The following SSH1 variants were observed in gnomAD, a reference collection of about 807,000 sequenced individuals.
SSH1 encodes protein phosphatase Slingshot homolog 1.
Under a neutral mutation model 79.7 loss-of-function variants are expected in SSH1, and 43 were observed. The observed-to-expected ratio is 0.54, with a 90% confidence interval of 0.42 to 0.70. The LOEUF (loss-of-function observed/expected upper bound fraction) is 0.70, where lower values mean the gene tolerates loss of function less well. SSH1 is among the 30% of genes least tolerant of loss of function. The probability of loss-of-function intolerance (pLI) is 0.00; values close to 1 mark genes in which losing one functional copy is unlikely to be tolerated. For missense variants in SSH1, 1,206 were observed against 1,358.8 expected (o/e 0.89, Z 1.77); for synonymous variants, 599 against 538.3 (o/e 1.11, Z -1.56).
At position 108,799,029 on chromosome 12, in the gene SSH1, C is replaced by G. The variant is rs377181291; in HGVS notation, c.1320G>C (p.Leu440=). The part of the protein sequence containing the change: ...TRPNAGFMRQ[L]SEYEGILDAS... ...CATCCAAGATGCCTTCATACTCAGA[C>G]AGCTGCCTCATAAAGCCCGCGTTGG... The change falls in exon 13 of 15, where the codon CTG becomes CTC. Residue 440 remains leucine (L), a synonymous_variant. Transcript: ENST00000326495. 6.2e-7 allele frequency: 1 copy of G among 1,613,858 alleles called. No homozygotes were observed. The highest frequency in any genetic ancestry group is 8.5e-7 in the Non-Finnish European group (1 of 1,180,050).
intron 13 of SSH1, among the ~76,000 whole-genome samples, 187 bp downstream of exon 13, chr12:108,798,813 C>T (rs2036859847): frequency 1.3e-5 from 2 of 152,272 alleles, no homozygotes; most frequent in African/African-American, 4.8e-5. Context: ...CTGGAAACCA[C>T]TCATCAAAGC....
intron 7 of SSH1, among the ~76,000 whole-genome samples, chr12:108,808,067 A>G (rs1456711843): frequency 6.6e-6 from 1 of 152,186 alleles, no homozygotes; most frequent in Non-Finnish European, 1.5e-5. Flanking sequence ...CCTCCCGAGC[A>G]GCTGGGACCA....
Position 108,792,751 on chromosome 12 carries a change from A to C in SSH1, c.1428T>G (p.Pro476=). The C allele has an allele frequency of 6.2e-7, 1 of 1,613,950 alleles. No homozygotes were observed. The highest frequency in any genetic ancestry group is 8.5e-7 in the Non-Finnish European group (1 of 1,180,036). ...CTGGGGTCTCTGGCAAGAAGTCGCCAGGTCCTGCAGGGTCATCCACAGGCT... is the reference window on the plus strand; with the variant it reads ...CTGGGGTCTCTGGCAAGAAGTCGCCCGGTCCTGCAGGGTCATCCACAGGCT... ...LQQPVDDPAG[P]GDFLPETPDG... is the part of the protein sequence containing the mutation. The change falls in exon 14 of 15, where the codon CCT becomes CCG. Residue 476 remains proline (P), a synonymous_variant. Coordinates refer to ENST00000326495, the MANE Select transcript of SSH1 (RefSeq NM_018984.4).
rs1034894044 is a variant in SSH1 at position 108,829,271 on chromosome 12, G to C, written c.111-5910C>G. Among the ~76,000 whole-genome samples the C allele has an allele frequency of 7.9e-5, 12 of 152,180 alleles. No homozygotes were observed. In the East Asian group the frequency reaches 1.7e-3, roughly 22 times the overall value. On this transcript the variant is annotated intron_variant, in intron 2 of 14. Transcript: ENST00000326495. ...GAACCCAGGAGGCGGAGGTTGCAGTGAGCCAAGATCGCACCACTGTACTCC... is the reference window on the plus strand; with the variant it reads ...GAACCCAGGAGGCGGAGGTTGCAGTCAGCCAAGATCGCACCACTGTACTCC...
rs1343428167 is a variant in SSH1 at position 108,782,603 on chromosome 12, C to T, written c.*5385G>A. Reference sequence around the variant, plus strand: ...GTAATAGATGCTCAATAAAGACTGGCCATGTCAATGACGATGATGATGACG... The same window carrying T: ...GTAATAGATGCTCAATAAAGACTGGTCATGTCAATGACGATGATGATGACG... On this transcript the variant is annotated 3_prime_UTR_variant, in exon 15 of 15. Coordinates refer to ENST00000326495, the MANE Select transcript of SSH1 (RefSeq NM_018984.4). 6.6e-6 allele frequency: 1 copy of T among 152,122 alleles called. No individual in the cohort carries two copies. Among genetic ancestry groups the T allele is most frequent in the Non-Finnish European group, 1.5e-5 (1 of 68,030 alleles). 9.4% of individuals were successfully genotyped at this position (152,122 alleles called of 1,614,324 possible).
chr12:108,855,938 C>T (rs973394246), intron 1 of SSH1, among the ~76,000 whole-genome samples: 1 of 152,224 alleles, frequency 6.6e-6, no homozygotes, highest in Non-Finnish European at 1.5e-5. Context: ...CAAAACAAGG[C>T]TGAAGAACTA....
rs1160027335 is a variant in SSH1 at position 108,785,731 on chromosome 12, TATATC to T, written c.*2252_*2256del. The T allele has an allele frequency of 1.1e-4, 16 of 151,622 alleles. No individual in the cohort carries two copies. The highest frequency in any genetic ancestry group is 2.1e-4 in the South Asian group (1 of 4,818). 9.4% of individuals were successfully genotyped at this position (151,622 alleles called of 1,614,324 possible). ...CTTTCAAAATTAAAGTTTTCAAAAA[TATATC>T]ATTCTCATACATAGACGTGGTTAAA... On this transcript the variant is annotated 3_prime_UTR_variant, in exon 15 of 15. Transcript: ENST00000326495.
Position 108,825,256 on chromosome 12 carries a change from G to T in SSH1, c.111-1895C>A, listed in dbSNP as rs146552965. Among the ~76,000 whole-genome samples the T allele has an allele frequency of 6.0e-3, 916 of 152,300 alleles. 6 individuals are homozygous for T. Among genetic ancestry groups the T allele is most frequent in the Non-Finnish European group, 9.3e-3 (631 of 68,020 alleles). Reference sequence around the variant, plus strand: ...TAAGTAAATCAATTCCTGACAGAAAGACGAAGATGTTTTCTGTAATACAAG... The same window carrying T: ...TAAGTAAATCAATTCCTGACAGAAATACGAAGATGTTTTCTGTAATACAAG... On this transcript the variant is annotated intron_variant, in intron 2 of 14. Coordinates refer to ENST00000326495, the MANE Select transcript of SSH1 (RefSeq NM_018984.4).
Position 108,851,931 on chromosome 12 carries a change from G to A in SSH1, c.110+707C>T, listed in dbSNP as rs550708277. ...TACATAAAAATGCTCAAGTTAGGCC[G>A]GGCACAGTAGCTCATGACTGTAATC... On this transcript the variant is annotated intron_variant, in intron 2 of 14. Coordinates refer to ENST00000326495, the MANE Select transcript of SSH1 (RefSeq NM_018984.4). 1.4e-4 allele frequency among the ~76,000 whole-genome samples: 21 copies of A among 151,984 alleles called. No individual in the cohort carries two copies. The South Asian group carries it at 2.7e-3, about 20-fold the overall frequency.
At chr12:108,792,066 A>G (rs988287109) in intron 14 of SSH1, 45 of 1,447,742 alleles carry the variant, frequency 3.1e-5, no homozygotes, top group Middle Eastern at 2.5e-4. Context: ...TCAATTTGCT[A>G]TATAAGGTAT....
intron 3 of SSH1, among the ~76,000 whole-genome samples, chr12:108,819,336 T>C (rs1025577018): frequency 6.6e-6 from 1 of 152,172 alleles, no homozygotes; most frequent in African/African-American, 2.4e-5. Flanking sequence ...GTGAGGAAAG[T>C]CTCTTACTGG....
chr12:108,830,758 C>T (rs974599245), intron 2 of SSH1, among the ~76,000 whole-genome samples: 21 of 152,048 alleles, frequency 1.4e-4, no homozygotes, highest in Admixed American at 1.2e-3. Context: ...CTAAGGGAGA[C>T]GCTGCATCAT....
chr12:108,817,200 A>G, intron 4 of SSH1, 41 bp from the exon 5 acceptor site: 1 of 1,610,266 alleles, frequency 6.2e-7, no homozygotes. Flanking sequence ...CTGCCTTTGG[A>G]GGTGGTGCCT....
chr12:108,802,682 G>T (rs1046964098), intron 10 of SSH1, among the ~76,000 whole-genome samples: 2 of 149,340 alleles, frequency 1.3e-5, no homozygotes, highest in South Asian at 2.1e-4. Context: ...GAGTCCAGTG[G>T]GGGGGGGTCC....
Position 108,796,136 on chromosome 12 carries a change from G to A in SSH1, c.1349+2864C>T, listed in dbSNP as rs555189075. Among the ~76,000 whole-genome samples, 4 of 152,092 alleles carry A rather than the reference G, an allele frequency of 2.6e-5. No individual in the cohort carries two copies. In the South Asian group the frequency reaches 8.3e-4, roughly 32 times the overall value. On this transcript the variant is annotated intron_variant, in intron 13 of 14. Transcript: ENST00000326495. ...TAACCTTGTTGGCCAGACTGGTCTC[G>A]AACTCCTGACCTCAAGTGATCCACC...
rs997732833 is a variant in SSH1, at chr12:108,852,698, A to G, written c.70-20T>C. ...CTCCAACTACAGAGAAAGAAAGAGA[A>G]TATCACACCACAGGCACCACTGTCA... On this transcript the variant is annotated intron_variant, in intron 1 of 14. Transcript: ENST00000326495. The G allele has an allele frequency of 3.1e-6, 5 of 1,614,082 alleles. No homozygotes were observed. The highest frequency in any genetic ancestry group is 3.4e-6 in the Non-Finnish European group (4 of 1,180,022).
chr12:108,790,534 T>G (rs549039192), intron 14 of SSH1, among the ~76,000 whole-genome samples: 1 of 152,344 alleles, frequency 6.6e-6, no homozygotes, highest in East Asian at 1.9e-4. Flanking sequence ...TCTGCCTGCC[T>G]TGGCCTCCAA....
rs1052209110 is a variant in SSH1 at position 108,784,971 on chromosome 12, T to G, written c.*3017A>C. 6.6e-6 allele frequency: 1 copy of G among 152,272 alleles called. No homozygotes were observed. Among genetic ancestry groups the G allele is most frequent in the Non-Finnish European group, 1.5e-5 (1 of 68,074 alleles). 9.4% of individuals were successfully genotyped at this position (152,272 alleles called of 1,614,324 possible). ...TTCCTGTGCCACTTATGTTTGGAAT[T>G]TTCCCCATCAGCTAAGGTTGCATAC... On this transcript the variant is annotated 3_prime_UTR_variant, in exon 15 of 15. Coordinates refer to ENST00000326495, the MANE Select transcript of SSH1 (RefSeq NM_018984.4).
At chr12:108,852,016 T>C (rs892582077) in intron 2 of SSH1, among the ~76,000 whole-genome samples, 2 of 152,094 alleles carry the variant, frequency 1.3e-5, no homozygotes, top group Non-Finnish European at 2.9e-5. Flanking sequence ...AAGACCAGCC[T>C]GGGCAACACA....
Sources: allele counts gnomAD v4.1 joint callset (sites outside exome capture counted in the v4.1 genomes callset), GRCh38; gene constraint gnomAD v4.1.1; transcripts MANE v1.5; gene names NCBI Gene and HGNC (gene_info 2026-07-23, HGNC 2026-07-21).